The following ZFHX3 variants were observed in gnomAD, a reference collection of about 807,000 sequenced individuals.
The protein encoded by ZFHX3 is zinc finger homeobox 3.
In ZFHX3, 42 loss-of-function variants were observed where a neutral mutation model predicts 279.1. That is an observed-to-expected ratio of 0.15 (90% CI 0.12 to 0.19). ZFHX3 has a LOEUF of 0.19. ZFHX3 is among the 10% of genes least tolerant of loss of function. ZFHX3 has a pLI of 1.00. For missense variants in ZFHX3, 4,981 were observed against 4,754.0 expected, an observed-to-expected ratio of 1.05 and a Z score of -1.40; for synonymous variants, 2,293 against 1,957.8, an observed-to-expected ratio of 1.17 and a Z score of -4.52.
chr16:72,905,648 C>A (rs1164450765), intron 3 of ZFHX3, among the ~76,000 whole-genome samples: 1 of 152,122 alleles, frequency 6.6e-6, no homozygotes, highest in African/African-American at 2.4e-5. Context: ...GTTCACCACA[C>A]ACACCTTTGC....
At chr16:73,049,056 T>C (rs1965401174), upstream of ZFHX3, among the ~76,000 whole-genome samples, 1 of 152,232 alleles carries the variant, frequency 6.6e-6, no homozygotes, top group African/African-American at 2.4e-5. Context: ...AAGTGATTGC[T>C]GGGCGCCTTT....
rs543505946 is a variant in ZFHX3 at position 73,459,239 on chromosome 16, C to A, written c.-1546-2981G>T. ...GTTGATTCACACGCAGTTGAAGACA[C>A]AATACAGAGGTAAATGTATATGTAT... On this transcript the variant is annotated intron_variant, in intron 2 of 17. Transcript: ENST00000641206. Among the ~76,000 whole-genome samples the A allele has an allele frequency of 2.5e-3, 376 of 152,300 alleles. 1 individual carries two copies. Among genetic ancestry groups the A allele is most frequent in the African/African-American group, 8.8e-3 (366 of 41,558 alleles).
chr16:73,049,829 G>A (rs1240192730), upstream of ZFHX3, among the ~76,000 whole-genome samples: 1 of 152,140 alleles, frequency 6.6e-6, no homozygotes, highest in Non-Finnish European at 1.5e-5. Context: ...AACAGGTGGT[G>A]TTTTCAAAAC....
chr16:72,898,955 G>C (rs1221278939), intron 3 of ZFHX3, among the ~76,000 whole-genome samples: 4 of 152,040 alleles, frequency 2.6e-5, no homozygotes, highest in Non-Finnish European at 5.9e-5. Flanking sequence ...GAAGCTGAGG[G>C]GGGTATGTAG....
At chr16:73,094,330 G>A (rs904154724) in intron 7 of ZFHX3, among the ~76,000 whole-genome samples, 1 of 152,196 alleles carries the variant, frequency 6.6e-6, no homozygotes, top group African/African-American at 2.4e-5. Flanking sequence ...CCTGACTCCA[G>A]TCCAGGGGCT....
intron 2 of ZFHX3, among the ~76,000 whole-genome samples, chr16:73,505,581 C>T (rs1414387665): frequency 6.6e-6 from 1 of 151,560 alleles, no homozygotes; most frequent in Non-Finnish European, 1.5e-5. Flanking sequence ...ACAAAAATTA[C>T]ATATTAATAA....
chr16:73,377,466 A>G, intron 3 of ZFHX3, among the ~76,000 whole-genome samples: 1 of 152,158 alleles, frequency 6.6e-6, no homozygotes, highest in Non-Finnish European at 1.5e-5. Context: ...GCACAGAAAC[A>G]GACCCTTGCA....
chr16:73,017,318 G>A (rs189966544), intron 1 of ZFHX3, among the ~76,000 whole-genome samples: 17 of 152,080 alleles, frequency 1.1e-4, no homozygotes, highest in African/African-American at 3.4e-4. Context: ...AATTTTCTAC[G>A]TTTGGATTCA....
chr16:73,629,970 AC>A lies in ZFHX3; in HGVS notation c.-1547+50209del, dbSNP rs561862953. On this transcript the variant is annotated intron_variant, in intron 2 of 17. Coordinates refer to the ZFHX3 transcript ENST00000641206. The stretch of plus-strand genomic sequence containing the variant: ...GTAAATGAAAATAAAAACCACAACA[AC>A]TTTTATATCCTTGTAGCATTTGGCT... 1.1e-3 allele frequency among the ~76,000 whole-genome samples: 162 copies of A among 152,272 alleles called. 1 individual carries two copies. The highest frequency in any genetic ancestry group is 3.6e-3 in the African/African-American group (149 of 41,556).
chr16:73,163,092 A>G (rs11075970), intron 5 of ZFHX3, among the ~76,000 whole-genome samples: 95,601 of 152,062 alleles, frequency 0.63, 31,162 homozygotes, highest in African/African-American at 0.8. Flanking sequence ...ATAGATGGCC[A>G]TCTTTCATTC....
chr16:73,336,840 C>A (rs1055076332), intron 3 of ZFHX3, among the ~76,000 whole-genome samples: 1 of 152,106 alleles, frequency 6.6e-6, no homozygotes, highest in Non-Finnish European at 1.5e-5. Flanking sequence ...CAACCCTTAG[C>A]CAAGTTTAAA....
At chr16:73,394,793 G>A (rs150037106) in intron 3 of ZFHX3, among the ~76,000 whole-genome samples, 2,833 of 152,242 alleles carry the variant, frequency 0.019, 34 homozygotes, top group Non-Finnish European at 0.028. Flanking sequence ...CATTTTCAGT[G>A]TACTTCTATG....
chr16:73,076,927 A>G (rs930317913), intron 8 of ZFHX3, among the ~76,000 whole-genome samples: 1 of 152,138 alleles, frequency 6.6e-6, no homozygotes, highest in African/African-American at 2.4e-5. Context: ...TCTTCCAACC[A>G]TATCTGAATA....
At chr16:73,291,685 A>C (rs1334943787) in intron 4 of ZFHX3, among the ~76,000 whole-genome samples, 1 of 152,214 alleles carries the variant, frequency 6.6e-6, no homozygotes, top group Non-Finnish European at 1.5e-5. Context: ...CCCCTGAAGG[A>C]ATAGGCAGGT....
intron 1 of ZFHX3, among the ~76,000 whole-genome samples, chr16:72,992,406 C>G (rs1210723163): frequency 1.3e-5 from 2 of 152,198 alleles, no homozygotes; most frequent in Non-Finnish European, 2.9e-5. Flanking sequence ...AGTGAGAGGA[C>G]CTCCGGCTGA....
rs766326484 is a variant in ZFHX3 at position 73,073,562 on chromosome 16, G to A, written c.-532-14550C>T. Among the ~76,000 whole-genome samples the A allele has an allele frequency of 1.4e-4, 21 of 152,066 alleles. 1 individual carries two copies. The highest frequency in any genetic ancestry group is 3.9e-4 in the Admixed American group (6 of 15,286). On this transcript the variant is annotated intron_variant, in intron 8 of 17. Coordinates refer to the ZFHX3 transcript ENST00000641206. The stretch of plus-strand genomic sequence containing the variant: ...TGCCCAGGTTGGAGTGCAGGGGCAC[G>A]ATCTCAGCTCACTGCAACCTCCACC...
chr16:73,532,411 G>A (rs942187486), intron 2 of ZFHX3, among the ~76,000 whole-genome samples: 5 of 152,180 alleles, frequency 3.3e-5, no homozygotes, highest in African/African-American at 1.2e-4. Context: ...CCCCAGCTAT[G>A]TGGAACTGAG....
At position 72,795,774 on chromosome 16, in the gene ZFHX3, T is replaced by G; in HGVS notation, c.6908A>C (p.Asn2303Thr). 6.2e-7 allele frequency: 1 copy of G among 1,614,190 alleles called. No individual in the cohort carries two copies. Among genetic ancestry groups the G allele is most frequent in the Non-Finnish European group, 8.5e-7 (1 of 1,180,028 alleles). Residue 2303 changes from asparagine to threonine, a missense_variant, in exon 9 of 10, where the codon AAT becomes ACT. Around this residue, in one of 7 missense-constraint regions of ZFHX3, gnomAD observed 177 missense variants for 244.2 expected, o/e 0.72. Coordinates refer to ENST00000268489, the MANE Select transcript of ZFHX3 (RefSeq NM_006885.4). ...CTCTCCATCTTTGCCCTCTCCCTGA[T>G]TCTCATAATTCTTCCTGGCCTTCTG... The part of the protein sequence containing the change: ...ARQKARKNYE[N>T]QGEGKDGERR...
intron 4 of ZFHX3, among the ~76,000 whole-genome samples, chr16:72,852,210 A>G (rs1467094987): frequency 6.6e-6 from 1 of 152,232 alleles, no homozygotes; most frequent in Non-Finnish European, 1.5e-5. Context: ...TTTTTAACTT[A>G]ATAAGTAAAT....
Sources: allele counts gnomAD v4.1 joint callset (sites outside exome capture counted in the v4.1 genomes callset), GRCh38; gene constraint gnomAD v4.1.1; regional missense constraint gnomAD v4.1.1; transcripts MANE v1.5; gene names NCBI Gene and HGNC (gene_info 2026-07-23, HGNC 2026-07-21).